AFAP1L1: variants seen among roughly 807,000 people sequenced by gnomAD.
The protein encoded by AFAP1L1 is actin filament associated protein 1 like 1, also known as actin filament-associated protein 1-like 1.
Under a neutral mutation model 99.8 loss-of-function variants are expected in AFAP1L1, and 77 were observed. That is an observed-to-expected ratio of 0.77 (90% CI 0.64 to 0.93). The LOEUF (loss-of-function observed/expected upper bound fraction) is 0.93. Ranked by LOEUF, AFAP1L1 falls within the 40% of genes least tolerant of loss-of-function variation. AFAP1L1 has a pLI of 0.00. For synonymous variants in AFAP1L1, 373 were observed against 395.3 expected, an observed-to-expected ratio of 0.94 and a Z score of 0.67; for missense variants, 893 against 996.8, an observed-to-expected ratio of 0.90 and a Z score of 1.40.
At position 149,341,099 on chromosome 5, in the gene AFAP1L1, T is replaced by C. The variant is rs1757549563; in HGVS notation, c.*1069T>C. 1 of 152,228 alleles carries C rather than the reference T, an allele frequency of 6.6e-6. No individual in the cohort carries two copies. The highest frequency in any genetic ancestry group is 1.5e-5 in the Non-Finnish European group (1 of 68,054). The allele number at this position is 152,228 out of a possible 1,614,324, so 9.4% of individuals were successfully genotyped here. ...GCTACTCACTACTGTCTCAACACTG[T>C]AGTGAGTCTGTCTTTAACACATTTC... On this transcript the variant is annotated 3_prime_UTR_variant, in exon 19 of 19. Transcript: ENST00000296721.
chr5:149,329,752 A>G lies in AFAP1L1; in HGVS notation c.1897A>G (p.Lys633Glu). Residue 633 changes from lysine (K) to glutamate (E), a missense_variant, in exon 16 of 19, where the codon AAA (lysine) becomes GAA (glutamate). Coordinates refer to ENST00000296721, the MANE Select transcript of AFAP1L1 (RefSeq NM_152406.4). ...AGAAAAAGAGAAGCTGGAGAAAGAG[A>G]AAGAGACGATTCGGACAGAGCTGAT... Reference protein sequence around the residue: ...LVEKEKLEKEKETIRTELIAL... With the variant: ...LVEKEKLEKEEETIRTELIAL... 6.2e-7 allele frequency: 1 copy of G among 1,614,048 alleles called. No homozygotes were observed. Among genetic ancestry groups the G allele is most frequent in the Non-Finnish European group, 8.5e-7 (1 of 1,179,984 alleles).
intron 1 of AFAP1L1, among the ~76,000 whole-genome samples, chr5:149,293,370 C>T (rs1755919805): frequency 6.6e-6 from 1 of 152,190 alleles, no homozygotes; most frequent in African/African-American, 2.4e-5. Context: ...TGCTTTTAGC[C>T]ACTCTTCCAT....
intron 9 of AFAP1L1, 79 bp downstream of exon 9, chr5:149,312,283 G>A: frequency 1.4e-6 from 2 of 1,437,538 alleles, no homozygotes; most frequent in Non-Finnish European, 2.0e-6. Flanking sequence ...GGAACTAACT[G>A]GCTGGGGGGA....
At chr5:149,308,924 G>A (rs541313366) in intron 7 of AFAP1L1, among the ~76,000 whole-genome samples, 34 of 148,470 alleles carry the variant, frequency 2.3e-4, no homozygotes, top group Admixed American at 1.4e-3. Context: ...GCAAGACTCC[G>A]TCTCTACCAA....
At chr5:149,318,739 A>G (rs984804203) in intron 12 of AFAP1L1, among the ~76,000 whole-genome samples, 1 of 152,180 alleles carries the variant, frequency 6.6e-6, no homozygotes, top group Non-Finnish European at 1.5e-5. Context: ...GGCAATTTAG[A>G]ATTTAAAATG....
chr5:149,337,729 T>C (rs1006536888), intron 18 of AFAP1L1, among the ~76,000 whole-genome samples: 5 of 152,160 alleles, frequency 3.3e-5, no homozygotes, highest in African/African-American at 1.2e-4. Context: ...TGTAAGAAGA[T>C]AATTCCAGAA....
chr5:149,298,796 A>C (rs1756094647), intron 1 of AFAP1L1, among the ~76,000 whole-genome samples: 3 of 152,254 alleles, frequency 2.0e-5, no homozygotes, highest in African/African-American at 7.2e-5. Flanking sequence ...CAGATGGTCC[A>C]GGACCACCAG....
intron 1 of AFAP1L1, among the ~76,000 whole-genome samples, chr5:149,280,658 C>T (rs372069424): frequency 6.6e-6 from 1 of 152,204 alleles, no homozygotes; most frequent in Non-Finnish European, 1.5e-5. Flanking sequence ...CCAAAGCAAC[C>T]TCTGAAAGCA....
intron 18 of AFAP1L1, among the ~76,000 whole-genome samples, chr5:149,339,746 G>A (rs1757508612): frequency 6.6e-6 from 1 of 152,184 alleles, no homozygotes; most frequent in Admixed American, 6.5e-5. Context: ...ATGATGGAAG[G>A]TTTTGAGCAA....
At chr5:149,304,591 G>C (rs1012350475) in intron 5 of AFAP1L1, among the ~76,000 whole-genome samples, 29 of 152,200 alleles carry the variant, frequency 1.9e-4, no homozygotes, top group African/African-American at 7.0e-4. Flanking sequence ...CTTCAGGAAG[G>C]GCCAGGAACC....
rs775982070 is a variant in AFAP1L1 at position 149,312,173 on chromosome 5, C to T, written c.989C>T (p.Pro330Leu). ...GAEGVEVPRS[P>L]VLLCKLDLDK... is the part of the protein sequence containing the mutation. ...GAGGGAGTGGAGGTCCCCAGATCCC[C>T]AGTCCTCCTGTGCAAGTTGGACCTG... The change falls in exon 9 of 19, where the codon CCA becomes CTA. Residue 330 changes from proline to leucine, a missense_variant. Physicochemically the swap from Pro to Leu is moderately conservative, Grantham distance 98 (BLOSUM62 -3). Coordinates refer to ENST00000296721, the MANE Select transcript of AFAP1L1 (RefSeq NM_152406.4). The T allele has an allele frequency of 2.7e-5, 43 of 1,614,074 alleles. No individual in the cohort carries two copies. The highest frequency in any genetic ancestry group is 1.6e-4 in the Middle Eastern group (1 of 6,076).
chr5:149,276,271 T>G (rs1294007766), intron 1 of AFAP1L1, among the ~76,000 whole-genome samples: 1 of 152,242 alleles, frequency 6.6e-6, no homozygotes, highest in Non-Finnish European at 1.5e-5. Flanking sequence ...GACTTGAGAA[T>G]GGAAACAAAC....
Position 149,343,013 on chromosome 5 carries a change from C to T in AFAP1L1, c.*2983C>T, listed in dbSNP as rs999603050. On this transcript the variant is annotated 3_prime_UTR_variant, in exon 19 of 19. Coordinates refer to ENST00000296721, the MANE Select transcript of AFAP1L1 (RefSeq NM_152406.4). Reference sequence around the variant, plus strand: ...TCAGTCTGTCAGAATTCTACTGTCACTGTTTCCTTATTGCGGGATCTTGCA... The same window carrying T: ...TCAGTCTGTCAGAATTCTACTGTCATTGTTTCCTTATTGCGGGATCTTGCA... 2.0e-5 allele frequency among the ~76,000 whole-genome samples: 3 copies of T among 152,198 alleles called. No homozygotes were observed. Among genetic ancestry groups the T allele is most frequent in the Non-Finnish European group, 2.9e-5 (2 of 68,030 alleles).
At chr5:149,285,021 C>A (rs985268974) in intron 1 of AFAP1L1, among the ~76,000 whole-genome samples, 1 of 152,160 alleles carries the variant, frequency 6.6e-6, no homozygotes, top group Non-Finnish European at 1.5e-5. Context: ...TCAAAACATC[C>A]ATTTCCATGA....
rs141804366 is a variant in AFAP1L1 at position 149,300,251 on chromosome 5, G to T, written c.146-20G>T. On this transcript the variant is annotated intron_variant, in intron 2 of 18. Transcript: ENST00000296721. ...GTCCCTCCTCCTTCACAGCTGGCAT[G>T]TCCCCCTTCTTCCTCACAGCAAAGG... is the stretch of plus-strand genomic sequence containing the variant. 8.5e-4 allele frequency: 1,362 copies of T among 1,597,682 alleles called. 16 individuals are homozygous for T. The African/African-American group carries it at 0.017, about 19-fold the overall frequency.
chr5:149,323,040 CTA>C (rs2127600957), intron 15 of AFAP1L1, among the ~76,000 whole-genome samples: 1 of 152,274 alleles, frequency 6.6e-6, no homozygotes, highest in East Asian at 1.9e-4. Context: ...TACCAGGCCC[CTA>C]ACACCAGATT....
In AFAP1L1 at chr5:149,307,400, A is replaced by C; in HGVS notation, c.536-2A>C. 1 of 1,614,098 alleles carries C rather than the reference A, an allele frequency of 6.2e-7. No individual in the cohort carries two copies. Among genetic ancestry groups the C allele is most frequent in the Non-Finnish European group, 8.5e-7 (1 of 1,179,988 alleles). The stretch of plus-strand genomic sequence containing the variant: ...ATGGATCCTTTCCCGTGACGCCTGC[A>C]GATAATGACTCTGACGCAATGAGCA... On this transcript the variant is annotated splice_acceptor_variant, in intron 6 of 18. Transcript: ENST00000296721. LOFTEE classifies it high-confidence loss of function.
chr5:149,327,945 C>T (rs575628581), intron 15 of AFAP1L1, among the ~76,000 whole-genome samples: 15 of 152,230 alleles, frequency 9.9e-5, no homozygotes, highest in Admixed American at 5.2e-4. Flanking sequence ...CCACGAAGCT[C>T]AGTGAAATCC....
At position 149,332,789 on chromosome 5, in the gene AFAP1L1, G is replaced by C. The variant is rs748373532; in HGVS notation, c.2070G>C (p.Leu690=). 6.2e-7 allele frequency: 1 copy of C among 1,613,442 alleles called. No homozygotes were observed. Among genetic ancestry groups the C allele is most frequent in the South Asian group, 1.1e-5 (1 of 91,040 alleles). The change falls in exon 17 of 19, where the codon CTG becomes CTC. Residue 690 remains leucine, a synonymous_variant. Transcript: ENST00000296721. ...EERRIDLELK[L]VAVKERLQQS... ...GCCGGATTGACCTGGAGCTGAAGCT[G>C]GTGGCTGTGAAGGAGCGCTTGCAGC...
Sources: gnomAD v4.1 joint callset for allele counts (sites outside exome capture counted in the v4.1 genomes callset) on GRCh38, gnomAD v4.1.1 for gene constraint, MANE v1.5 for transcripts, NCBI Gene and HGNC (gene_info 2026-07-23, HGNC 2026-07-21) for gene names.